Variants in UGT1A7 observed in about 807,000 individuals in gnomAD.
The protein encoded by UGT1A7 is UDP glucuronosyltransferase family 1 member A7.
In UGT1A7, 33 loss-of-function variants were observed where a neutral mutation model predicts 45.6. The observed-to-expected ratio is 0.72, with a 90% CI of 0.55 to 0.97. UGT1A7 has a LOEUF of 0.97. UGT1A7 is among the 50% of genes least tolerant of loss of function. The pLI, the probability that UGT1A7 is intolerant of heterozygous loss-of-function variation, is 0.00. For missense variants in UGT1A7, 684 were observed against 666.2 expected (o/e 1.03, Z -0.29); for synonymous variants, 274 against 250.6 (o/e 1.09, Z -0.88).
intron 1 of UGT1A7, among the ~76,000 whole-genome samples, chr2:233,732,747 C>T (rs2078308352): frequency 6.7e-6 from 1 of 150,262 alleles, no homozygotes; most frequent in South Asian, 2.1e-4. Flanking sequence ...CATGATGCCA[C>T]CAGCTTTGTT....
At chr2:233,751,564 T>G (rs1694753266) in intron 1 of UGT1A7, among the ~76,000 whole-genome samples, 2 of 152,188 alleles carry the variant, frequency 1.3e-5, no homozygotes, top group Non-Finnish European at 2.9e-5. Context: ...CATCTCAAAT[T>G]GTAATCTCCA....
intron 1 of UGT1A7, chr2:233,756,296 T>C (rs1295271846): frequency 6.6e-6 from 1 of 152,242 alleles, no homozygotes; most frequent in Non-Finnish European, 1.5e-5. Flanking sequence ...ACAGTATTTG[T>C]ATATAACCTA....
Position 233,681,949 on chromosome 2 carries a change from A to G in UGT1A7, c.12A>G (p.Ala4=). The G allele has an allele frequency of 6.2e-7, 1 of 1,613,620 alleles. No homozygotes were observed. The highest frequency in any genetic ancestry group is 8.5e-7 in the Non-Finnish European group (1 of 1,179,670). Residue 4 remains alanine, a synonymous_variant, in exon 1 of 5, where the codon GCA becomes GCG. Transcript: ENST00000373426. MAR[A]GWTGLLPLYV... ...GCTGAAGTTCTCTGATGGCTCGTGC[A>G]GGGTGGACTGGCCTCCTTCCCCTAT...
chr2:233,743,403 G>A (rs1209113802), intron 1 of UGT1A7: 4 of 1,297,134 alleles, frequency 3.1e-6, no homozygotes, highest in South Asian at 1.2e-5. Flanking sequence ...AGGAAGAAAG[G>A]CCCCCACTTC....
At chr2:233,757,562 G>A (rs1976390) in intron 1 of UGT1A7, among the ~76,000 whole-genome samples, 12,378 of 80,798 alleles carry the variant, frequency 0.15, 1,302 homozygotes, top group African/African-American at 0.2. Context: ...ATATATATAT[G>A]TATATATGAT....
rs753857882 is a variant in UGT1A7, at chr2:233,750,179, ATGT to A, written c.856-16851_856-16849del. ...AATGGTTTTGACCAAAATGCTGATA[ATGT>A]TGTGGACAATGAAGTCCAGGCTGAG... On this transcript the variant is annotated intron_variant, in intron 1 of 4. Transcript: ENST00000373426. Among the ~76,000 whole-genome samples, 2 of 151,978 alleles carry A rather than the reference ATGT, an allele frequency of 1.3e-5. 1 individual carries two copies. The highest frequency in any genetic ancestry group is 6.8e-3 in the Middle Eastern group (2 of 294).
chr2:233,750,334 A>C (rs1004492838), intron 1 of UGT1A7, among the ~76,000 whole-genome samples: 1 of 151,972 alleles, frequency 6.6e-6, no homozygotes, highest in Non-Finnish European at 1.5e-5. Context: ...CTTCAGAGAG[A>C]TGATCTGAAA....
At position 233,768,160 on chromosome 2, in the gene UGT1A7, G is replaced by A. The variant is rs35295390; in HGVS notation, c.1076-60G>A. The A allele has an allele frequency of 1.5e-4, 241 of 1,613,276 alleles. 1 individual carries two copies. The African/African-American group carries it at 2.5e-3, about 17-fold the overall frequency. ...TTTGGAGTGTTTTCAGAACCTAGAT[G>A]TGTCCAGCTGTGAAACTCAGAGATG... On this transcript the variant is annotated intron_variant, in intron 3 of 4. Coordinates refer to ENST00000373426, the MANE Select transcript of UGT1A7 (RefSeq NM_019077.3).
At chr2:233,741,008 GC>G (rs1212205801) in intron 1 of UGT1A7, 3 of 151,722 alleles carry the variant, frequency 2.0e-5, no homozygotes, top group Admixed American at 6.6e-5. Flanking sequence ...GATCACTTGA[GC>G]CCAGGAATTC....
At chr2:233,739,387 C>T (rs1691076515) in intron 1 of UGT1A7, among the ~76,000 whole-genome samples, 1 of 152,204 alleles carries the variant, frequency 6.6e-6, no homozygotes, top group Non-Finnish European at 1.5e-5. Flanking sequence ...CTGGAAGAGC[C>T]ACAGACATCA....
Position 233,772,534 on chromosome 2 carries a change from A to T in UGT1A7, c.1568A>T (p.Lys523Ile). 6.2e-7 allele frequency: 1 copy of T among 1,614,216 alleles called. No homozygotes were observed. Among genetic ancestry groups the T allele is most frequent in the South Asian group, 1.1e-5 (1 of 91,086 alleles). The change falls in exon 5 of 5, where the codon AAA becomes ATA. Residue 523 changes from lysine to isoleucine, a missense_variant. Lys to Ile is a moderately radical substitution (Grantham distance 102). Transcript: ENST00000373426. The stretch of plus-strand genomic sequence containing the variant: ...TTGGGGAAAAAAGGGCGAGTTAAGA[A>T]AGCCCACAAATCCAAGACCCATTGA... ...KCLGKKGRVK[K>I]AHKSKTH
At chr2:233,747,178 G>A (rs1378396151) in intron 1 of UGT1A7, 1 of 1,600,996 alleles carries the variant, frequency 6.2e-7, no homozygotes, top group African/African-American at 1.3e-5. Context: ...GGCACAGCGT[G>A]GGGTGGACAG....
In UGT1A7 at chr2:233,701,052, T is replaced by A. The variant is rs545196754; in HGVS notation, c.855+18260T>A. Among the ~76,000 whole-genome samples, 24 of 152,314 alleles carry A rather than the reference T, an allele frequency of 1.6e-4. No homozygotes were observed. In the East Asian group the frequency reaches 4.4e-3, roughly 28 times the overall value. On this transcript the variant is annotated intron_variant, in intron 1 of 4. Transcript: ENST00000373426. ...TGTCCCTACAAAGGACATGAACTCA[T>A]AATTTTTTATGGCTGCATAGTATTC...
chr2:233,705,461 A>C (rs142417974), intron 1 of UGT1A7, among the ~76,000 whole-genome samples: 3,272 of 152,314 alleles, frequency 0.021, 112 homozygotes, highest in African/African-American at 0.075. Flanking sequence ...ATTTTTTAGC[A>C]GACACACATG....
rs542057655 is a variant in UGT1A7 at position 233,743,464 on chromosome 2, C to G, written c.856-23570C>G. The G allele has an allele frequency of 3.7e-5, 50 of 1,366,536 alleles. No individual in the cohort carries two copies. The South Asian group carries it at 5.6e-4, about 15-fold the overall frequency. The allele number at this position is 1,366,536 out of a possible 1,614,324, so 84.7% of individuals were successfully genotyped here. A position where few individuals can be genotyped will look rare whatever the true frequency, so the allele number is the denominator to read the frequency against. On this transcript the variant is annotated intron_variant, in intron 1 of 4. Coordinates refer to ENST00000373426, the MANE Select transcript of UGT1A7 (RefSeq NM_019077.3). ...TGTATCAAAAGAAGAAAAAACACCC[C>G]CAAAAGCTGGAAATTCACTGAAGGC...
chr2:233,683,579 T>A (rs2074640899), intron 1 of UGT1A7, among the ~76,000 whole-genome samples: 1 of 152,208 alleles, frequency 6.6e-6, no homozygotes, highest in South Asian at 2.1e-4. Context: ...ATCTTCCTAC[T>A]CAAGAATATG....
chr2:233,724,947 G>C (rs941284896), intron 1 of UGT1A7, among the ~76,000 whole-genome samples: 2 of 144,584 alleles, frequency 1.4e-5, no homozygotes, highest in African/African-American at 5.3e-5. Context: ...CTGCAATCCC[G>C]GCACCTCGGG....
chr2:233,715,952 G>A (rs1392770925), intron 1 of UGT1A7, among the ~76,000 whole-genome samples: 1 of 152,134 alleles, frequency 6.6e-6, no homozygotes, highest in Admixed American at 6.5e-5. Flanking sequence ...TTTGTTGACT[G>A]ACTGACTGAT....
chr2:233,769,840 A>G lies in UGT1A7; in HGVS notation c.1295+1401A>G, dbSNP rs1259397954. 2 of 589,486 alleles carry G rather than the reference A, an allele frequency of 3.4e-6. No homozygotes were observed. The highest frequency in any genetic ancestry group is 5.2e-6 in the Non-Finnish European group (2 of 381,342). The allele number at this position is 589,486 out of a possible 1,614,324, so 36.5% of individuals were successfully genotyped here. On this transcript the variant is annotated intron_variant, in intron 4 of 4. Transcript: ENST00000373426. This position sits in a 1 kb window ranked among gnomAD's most constrained non-coding sequence, Gnocchi z 4.4. ...ACTGCACTCCAGCAACCTGGGCAAC[A>G]GAGTGAGACCCTGTCTCAAAAAAAA...
Sources: allele counts gnomAD v4.1 joint callset (sites outside exome capture counted in the v4.1 genomes callset), GRCh38; gene constraint gnomAD v4.1.1; non-coding constraint Gnocchi (gnomAD v3.1); transcripts MANE v1.5; gene names NCBI Gene and HGNC (gene_info 2026-07-23, HGNC 2026-07-21).